Variants in FBXL18 observed in about 807,000 individuals in gnomAD.
The protein encoded by FBXL18 is F-box and leucine rich repeat protein 18, also known as F-box/LRR-repeat protein 18.
In FBXL18, 36 loss-of-function variants were observed where a neutral mutation model predicts 46.0. The ratio of observed to expected loss-of-function variants is 0.78; its 90% CI spans 0.60 to 1.03. The LOEUF (loss-of-function observed/expected upper bound fraction) is 1.03, where lower values mean the gene tolerates loss of function less well. Ranked by LOEUF, FBXL18 falls within the 50% of genes least tolerant of loss-of-function variation. FBXL18 has a pLI of 0.00. For synonymous variants in FBXL18, 557 were observed against 465.3 expected (o/e 1.20, Z -2.54); for missense variants, 977 against 1,004.1 (o/e 0.97, Z 0.36).
chr7:5,455,436 A>T lies in FBXL18; in HGVS notation c.2001-7593T>A, dbSNP rs547768263. Among the ~76,000 whole-genome samples the T allele has an allele frequency of 1.5e-3, 232 of 152,178 alleles. No homozygotes were observed. The highest frequency in any genetic ancestry group is 4.7e-3 in the African/African-American group (197 of 41,510). ...GGAGCCTATCTGGGGAGTAGCATCA[A>T]GGAGCACTCTCGTGGGAGCACTACC... is the stretch of plus-strand genomic sequence containing the variant. On this transcript the variant is annotated intron_variant and NMD_transcript_variant, in intron 4 of 6. Transcript: ENST00000415009. The surrounding 1 kb of genome is among the most constrained non-coding windows in gnomAD (Gnocchi z 4.6).
chr7:5,473,858 G>A (rs1047700062), downstream of FBXL18, among the ~76,000 whole-genome samples: 3 of 151,706 alleles, frequency 2.0e-5, no homozygotes, highest in South Asian at 2.1e-4. Flanking sequence ...GTAATAGTGC[G>A]GCCTTGGCTC....
intron 3 of FBXL18, among the ~76,000 whole-genome samples, chr7:5,495,054 C>G (rs1047822285): frequency 2.0e-5 from 3 of 152,176 alleles, no homozygotes; most frequent in African/African-American, 7.2e-5. Flanking sequence ...GCACCCAGGA[C>G]GGTGGCAGAG....
intron 1 of FBXL18, among the ~76,000 whole-genome samples, chr7:5,509,701 C>CG (rs1784480534): frequency 1.5e-5 from 1 of 65,484 alleles, no homozygotes; most frequent in Non-Finnish European, 3.2e-5. Context: ...GATTCCATCT[C>CG]AAAAAAAAAA....
intron 4 of FBXL18, among the ~76,000 whole-genome samples, chr7:5,469,118 A>C (rs1442351144): frequency 6.6e-6 from 1 of 152,180 alleles, no homozygotes; most frequent in Non-Finnish European, 1.5e-5. Context: ...AATGTGTGTA[A>C]GAATGAGTTA....
At position 5,475,798 on chromosome 7, in the gene FBXL18, G is replaced by A. The variant is rs981550323; in HGVS notation, c.*5977C>T. The A allele has an allele frequency of 6.6e-6, 1 of 152,134 alleles. No homozygotes were observed. Among genetic ancestry groups the A allele is most frequent in the Non-Finnish European group, 1.5e-5 (1 of 68,060 alleles). The allele number at this position is 152,134 out of a possible 1,614,324, so 9.4% of individuals were successfully genotyped here. ...TGCTGGAAGGACCACACAGCCGCCT[G>A]GCTTTCTAAATCAAGTCCATTTTAT... On this transcript the variant is annotated 3_prime_UTR_variant, in exon 5 of 5. Coordinates refer to ENST00000382368, the MANE Select transcript of FBXL18 (RefSeq NM_024963.6). The surrounding 1 kb of genome is among the most constrained non-coding windows in gnomAD (Gnocchi z 4.2).
chr7:5,459,040 C>T (rs186845758), intron 4 of FBXL18, among the ~76,000 whole-genome samples: 584 of 152,246 alleles, frequency 3.8e-3, no homozygotes, highest in Non-Finnish European at 6.6e-3. Flanking sequence ...ATAGTCACAG[C>T]TACTGAGGAA....
At chr7:5,463,745 T>TATTA (rs1783299428) in intron 4 of FBXL18, among the ~76,000 whole-genome samples, 4 of 62,842 alleles carry the variant, frequency 6.4e-5, no homozygotes, top group African/African-American at 2.0e-4. Flanking sequence ...TTTTTTTTTT[T>TATTA]TTTTTTTTTT....
At position 5,481,460 on chromosome 7, in the gene FBXL18, C is replaced by G; in HGVS notation, c.*315G>C. 1 of 263,498 alleles carries G rather than the reference C, an allele frequency of 3.8e-6. No homozygotes were observed. Among genetic ancestry groups the G allele is most frequent in the Admixed American group, 5.0e-5 (1 of 19,808 alleles). 16.3% of individuals were successfully genotyped at this position (263,498 alleles called of 1,614,324 possible). A position where few individuals can be genotyped will look rare whatever the true frequency, so the allele number is the denominator to read the frequency against. The stretch of plus-strand genomic sequence containing the variant: ...GGCCCTCCAGGCCCGTGGACAGGGC[C>G]CCCAGGGATTGCGGCTCAGTATACA... On this transcript the variant is annotated 3_prime_UTR_variant, in exon 5 of 5. Coordinates refer to ENST00000382368, the MANE Select transcript of FBXL18 (RefSeq NM_024963.6).
Position 5,501,294 on chromosome 7 carries a change from G to T in FBXL18, c.975C>A (p.Thr325=), listed in dbSNP as rs771238935. The change falls in exon 3 of 5, where the codon ACC becomes ACA. Residue 325 remains threonine (T), a synonymous_variant. Transcript: ENST00000382368. ...GCTGGATCAGATGGCCGCCTGACAG[G>T]GTACAGCGGCTGAAACTGAAGTAGA... is the stretch of plus-strand genomic sequence containing the variant. The part of the protein sequence containing the change: ...NPFYFSFSRC[T]LSGGHLIQQV... 1.9e-6 allele frequency: 3 copies of T among 1,614,174 alleles called. No individual in the cohort carries two copies. Among genetic ancestry groups the T allele is most frequent in the Non-Finnish European group, 2.5e-6 (3 of 1,180,024 alleles).
intron 4 of FBXL18, among the ~76,000 whole-genome samples, chr7:5,465,963 G>A (rs1403277046): frequency 1.3e-5 from 2 of 151,798 alleles, no homozygotes; most frequent in East Asian, 1.9e-4. Flanking sequence ...GATTACAGGC[G>A]CCAGCCACTA....
Position 5,485,720 on chromosome 7 carries a change from C to A in FBXL18, c.2001-3789G>T, listed in dbSNP as rs566117058. Among the ~76,000 whole-genome samples, 19 of 152,126 alleles carry A rather than the reference C, an allele frequency of 1.2e-4. No homozygotes were observed. In the South Asian group the frequency reaches 3.7e-3, roughly 30 times the overall value. On this transcript the variant is annotated intron_variant, in intron 4 of 4. Coordinates refer to ENST00000382368, the MANE Select transcript of FBXL18 (RefSeq NM_024963.6). ...GTCGGGAGTTCGAGACCAGCCTGAC[C>A]AACATGGAGAAACCCTGTCTCTACT... is the stretch of plus-strand genomic sequence containing the variant.
At chr7:5,488,748 TC>T (rs1348334864) in intron 4 of FBXL18, among the ~76,000 whole-genome samples, 1 of 152,166 alleles carries the variant, frequency 6.6e-6, no homozygotes, top group Admixed American at 6.5e-5. Flanking sequence ...CCGAGGCTCT[TC>T]CCACATCTGA....
chr7:5,467,589 C>G (rs567236598), intron 4 of FBXL18, among the ~76,000 whole-genome samples: 14 of 151,820 alleles, frequency 9.2e-5, no homozygotes, highest in African/African-American at 3.4e-4. Flanking sequence ...AATAAAAATA[C>G]CCTTTTGGGC....
chr7:5,466,944 C>CAGTG (rs1344096521), intron 4 of FBXL18, among the ~76,000 whole-genome samples: 3 of 152,168 alleles, frequency 2.0e-5, no homozygotes, highest in African/African-American at 7.2e-5. Context: ...AATGTACAGG[C>CAGTG]AGTGGCTCAC....
intron 2 of FBXL18, among the ~76,000 whole-genome samples, chr7:5,503,363 T>C (rs1784316114): frequency 6.6e-6 from 1 of 152,172 alleles, no homozygotes; most frequent in South Asian, 2.1e-4. Flanking sequence ...AGCCTGTTTC[T>C]GTTTTTTGAG....
intron 4 of FBXL18, chr7:5,489,970 G>T (rs1469947498): frequency 1.6e-6 from 2 of 1,277,604 alleles, no homozygotes; most frequent in East Asian, 1.1e-4. Flanking sequence ...AAAAAAGATT[G>T]ATGCATAGTC....
Position 5,501,086 on chromosome 7 carries a change from G to A in FBXL18, c.1183C>T (p.His395Tyr), listed in dbSNP as rs761189882. 1.2e-6 allele frequency: 2 copies of A among 1,612,048 alleles called. No homozygotes were observed. Among genetic ancestry groups the A allele is most frequent in the South Asian group, 1.1e-5 (1 of 91,034 alleles). ...LRHLNLSAAH[H>Y]HSSEGLGRHL... The stretch of plus-strand genomic sequence containing the variant: ...CGGCCCAGGCCCTCCGAGCTGTGGT[G>A]GTGGGCGGCCGAGAGGTTCAGGTGG... The change falls in exon 3 of 5, where the codon CAC (histidine) becomes TAC (tyrosine). Residue 395 changes from histidine (H) to tyrosine (Y), a missense_variant. Physicochemically the swap from His to Tyr is moderately conservative, Grantham distance 83. Coordinates refer to ENST00000382368, the MANE Select transcript of FBXL18 (RefSeq NM_024963.6).
chr7:5,513,163 C>T (rs1444601369), intron 1 of FBXL18, among the ~76,000 whole-genome samples: 1 of 152,104 alleles, frequency 6.6e-6, no homozygotes, highest in Non-Finnish European at 1.5e-5. Context: ...TTCCAGGGTA[C>T]GTCGTAAGTC....
rs1371798584 is a variant in FBXL18, at chr7:5,484,940, T to C, written c.2001-3009A>G. Among the ~76,000 whole-genome samples, 9 of 151,752 alleles carry C rather than the reference T, an allele frequency of 5.9e-5. No individual in the cohort carries two copies. In the East Asian group the frequency reaches 1.7e-3, roughly 29 times the overall value. On this transcript the variant is annotated intron_variant, in intron 4 of 4. Coordinates refer to ENST00000382368, the MANE Select transcript of FBXL18 (RefSeq NM_024963.6). ...AGGTGTGAGCCACCATACCCGGCCA[T>C]TATTTTTTATTTTTTATTTTTTGTA...
Sources: allele counts gnomAD v4.1 joint callset (sites outside exome capture counted in the v4.1 genomes callset), GRCh38; gene constraint gnomAD v4.1.1; non-coding constraint Gnocchi (gnomAD v3.1); transcripts MANE v1.5; gene names NCBI Gene and HGNC (gene_info 2026-07-23, HGNC 2026-07-21).